Variants in AGL observed in about 807,000 individuals in gnomAD.
AGL encodes the protein glycogen debranching enzyme.
Under a neutral mutation model 199.3 loss-of-function variants are expected in AGL, and 128 were observed. The ratio of observed to expected loss-of-function variants is 0.64; its 90% CI spans 0.56 to 0.74. The LOEUF is 0.74. AGL is among the 30% of genes least tolerant of loss of function. The pLI is 0.00. For missense variants in AGL, 1,809 were observed against 1,820.8 expected, an observed-to-expected ratio of 0.99 and a Z score of 0.12; for synonymous variants, 584 against 594.7, an observed-to-expected ratio of 0.98 and a Z score of 0.26.
At chr1:99,914,922 A>T (rs561688236) in intron 30 of AGL, among the ~76,000 whole-genome samples, 141 of 151,798 alleles carry the variant, frequency 9.3e-4, no homozygotes, top group African/African-American at 1.5e-3. Context: ...ACAAAAATTT[A>T]AAAAAAAATT....
intron 27 of AGL, 128 bp downstream of exon 27, chr1:99,902,922 C>A: frequency 1.4e-6 from 1 of 697,044 alleles, no homozygotes; most frequent in Non-Finnish European, 2.4e-6. Flanking sequence ...TAACATAGTT[C>A]CTGATCTCAC....
intron 25 of AGL, among the ~76,000 whole-genome samples, chr1:99,898,133 G>A (rs966289865): frequency 6.0e-5 from 9 of 150,102 alleles, no homozygotes; most frequent in African/African-American, 2.2e-4. Flanking sequence ...TGCAAGCTCC[G>A]CCTCCCGGGT....
intron 24 of AGL, among the ~76,000 whole-genome samples, chr1:99,893,001 G>A (rs1570467096): frequency 6.6e-6 from 1 of 152,020 alleles, no homozygotes; most frequent in African/African-American, 2.4e-5. Flanking sequence ...CAAAACAGAT[G>A]TTAAATAATT....
chr1:99,851,125 G>T lies in AGL; in HGVS notation c.82+1G>T. On this transcript the variant is annotated splice_donor_variant, in intron 2 of 33. Transcript: ENST00000361915. LOFTEE classifies it high-confidence loss of function. The stretch of plus-strand genomic sequence containing the variant: ...AAGACCCTCTTCAGACTTGAACAAG[G>T]TCAGTAGCAAGTTGTTTTGATTTGC... 2 of 1,613,222 alleles carry T rather than the reference G, an allele frequency of 1.2e-6. No homozygotes were observed. The highest frequency in any genetic ancestry group is 2.2e-5 in the South Asian group (2 of 91,066).
chr1:99,910,841 C>T lies in AGL; in HGVS notation c.3830C>T (p.Thr1277Ile), dbSNP rs751959174. The T allele has an allele frequency of 1.5e-5, 24 of 1,612,506 alleles. No individual in the cohort carries two copies. Among genetic ancestry groups the T allele is most frequent in the Non-Finnish European group, 2.0e-5 (24 of 1,179,072 alleles). Residue 1277 changes from threonine to isoleucine, a missense_variant, in exon 28 of 34, where the codon ACA (threonine) becomes ATA (isoleucine). Transcript: ENST00000361915. ...GCTAGAAACAGAGGAATCCCAGCCACACCAAGGTAGTGTAAATGTTATAAT... is the reference window on the plus strand; with the variant it reads ...GCTAGAAACAGAGGAATCCCAGCCATACCAAGGTAGTGTAAATGTTATAAT... Reference protein sequence around the residue: ...DRARNRGIPATPRDGSAVEIV... With the variant: ...DRARNRGIPAIPRDGSAVEIV...
chr1:99,891,119 C>T, intron 21 of AGL, 101 bp from the exon 22 acceptor site: 1 of 1,473,410 alleles, frequency 6.8e-7, no homozygotes, highest in Non-Finnish European at 9.5e-7. Flanking sequence ...ACGTATTCAC[C>T]CCAAATCACT....
chr1:99,876,662 T>G, intron 11 of AGL, 65 bp downstream of exon 11: 2 of 1,575,918 alleles, frequency 1.3e-6, no homozygotes, highest in South Asian at 2.2e-5. Context: ...CAAAATAAAA[T>G]CTGCTTTACT....
intron 26 of AGL, 28 bp from the exon 27 acceptor site, chr1:99,902,655 G>A (rs1379856794): frequency 1.3e-6 from 2 of 1,514,150 alleles, no homozygotes; most frequent in African/African-American, 2.7e-5. Flanking sequence ...ATTTCTAACA[G>A]AGGTAACACC....
In AGL at chr1:99,876,562, T is replaced by TG. The variant is rs786204616; in HGVS notation, c.1391dup (p.Asp465ArgfsTer2). 6.2e-7 allele frequency: 1 copy of TG among 1,614,038 alleles called. No homozygotes were observed. Among genetic ancestry groups the TG allele is most frequent in the Non-Finnish European group, 8.5e-7 (1 of 1,179,978 alleles). On this transcript the variant is annotated frameshift_variant, in exon 11 of 34. Transcript: ENST00000361915. LOFTEE classifies it high-confidence loss of function. ...CTGATGGCACACAATGGATGGGTAA[T>TG]GGGAGATGATCCTCTTCGAAACTTT...
At chr1:99,895,045 T>C (rs1653193691) in intron 24 of AGL, among the ~76,000 whole-genome samples, 1 of 152,180 alleles carries the variant, frequency 6.6e-6, no homozygotes, top group African/African-American at 2.4e-5. Context: ...ATTTATGCTT[T>C]GGCATAATTT....
intron 5 of AGL, among the ~76,000 whole-genome samples, chr1:99,868,661 C>T (rs1165488535): frequency 2.0e-5 from 3 of 151,876 alleles, no homozygotes; most frequent in Admixed American, 6.6e-5. Flanking sequence ...ATACACTTGT[C>T]GTCCTGACTA....
At chr1:99,916,558 TA>T in intron 32 of AGL, 39 bp from the exon 33 acceptor site, 1 of 1,608,488 alleles carries the variant, frequency 6.2e-7, no homozygotes, top group Non-Finnish European at 8.5e-7. Flanking sequence ...AATTTTTAGG[TA>T]TTTATGGTTT....
rs769206437 is a variant in AGL at position 99,921,502 on chromosome 1, T to A, written c.4482-32T>A. 1.3e-5 allele frequency: 19 copies of A among 1,476,424 alleles called. No homozygotes were observed. The South Asian group carries it at 2.2e-4, about 17-fold the overall frequency. 91.5% of individuals were successfully genotyped at this position (1,476,424 alleles called of 1,614,324 possible). A position where few individuals can be genotyped will look rare whatever the true frequency, so the allele number is the denominator to read the frequency against. On this transcript the variant is annotated intron_variant, in intron 33 of 33. Transcript: ENST00000361915. Reference sequence around the variant, plus strand: ...TATTTTGTTAATATGAATTAAATTATGTCTTTGTAAAATGTCTTTTCTTTC... The same window carrying A: ...TATTTTGTTAATATGAATTAAATTAAGTCTTTGTAAAATGTCTTTTCTTTC...
At chr1:99,910,893 A>G (rs759869753) in intron 28 of AGL, 46 bp downstream of exon 28, 1 of 1,580,988 alleles carries the variant, frequency 6.3e-7, no homozygotes. Flanking sequence ...CTTCTTTAAG[A>G]AAGCACTTAC....
intron 10 of AGL, 62 bp downstream of exon 10, chr1:99,875,517 T>C: frequency 8.8e-6 from 12 of 1,367,096 alleles, no homozygotes; most frequent in Non-Finnish European, 1.2e-5. Context: ...ATTTAACTTT[T>C]GAAATTAACC....
Position 99,880,760 on chromosome 1 carries a change from A to G in AGL, c.1864A>G (p.Met622Val), listed in dbSNP as rs145517369. The change falls in exon 14 of 34, where the codon ATG becomes GTG. Residue 622 changes from methionine (M) to valine (V), a missense_variant. By Grantham distance (21) the Met-to-Val change is conservative. Transcript: ENST00000361915. The stretch of plus-strand genomic sequence containing the variant: ...GCCAGCTATTGCACATGCCCTGTTT[A>G]TGGATATTACGCATGATAATGAGTG... ...LMPAIAHALFMDITHDNECPI... is the reference protein window; with the variant it reads ...LMPAIAHALFVDITHDNECPI... 3.7e-6 allele frequency: 6 copies of G among 1,613,898 alleles called. No individual in the cohort carries two copies. Among genetic ancestry groups the G allele is most frequent in the African/African-American group, 1.3e-5 (1 of 74,898 alleles).
chr1:99,854,624 C>A (rs972159553), intron 2 of AGL, among the ~76,000 whole-genome samples: 2 of 151,914 alleles, frequency 1.3e-5, no homozygotes, highest in Admixed American at 1.3e-4. Flanking sequence ...ATTAGCCGGG[C>A]CTGGTGGCGG....
intron 7 of AGL, chr1:99,874,456 T>C (rs933716241): frequency 2.3e-5 from 10 of 432,596 alleles, no homozygotes; most frequent in Middle Eastern, 6.6e-4. Context: ...ATGTTATTTT[T>C]GTCTCTGTTT....
intron 1 of AGL, 86 bp downstream of exon 1, chr1:99,850,501 G>A (rs1046476870): frequency 6.3e-6 from 1 of 159,906 alleles, no homozygotes; most frequent in Non-Finnish European, 1.4e-5. Flanking sequence ...GTCTACGGCA[G>A]CTATTCCAGA....
Sources: allele counts gnomAD v4.1 joint callset (sites outside exome capture counted in the v4.1 genomes callset), GRCh38; gene constraint gnomAD v4.1.1; transcripts MANE v1.5; gene names NCBI Gene and HGNC (gene_info 2026-07-23, HGNC 2026-07-21).